The following NPAS3 variants were observed in gnomAD, a reference collection of about 807,000 sequenced individuals.
The protein encoded by NPAS3 is neuronal PAS domain protein 3.
Under a neutral mutation model 73.1 loss-of-function variants are expected in NPAS3, and 14 were observed. The ratio of observed to expected loss-of-function variants is 0.19; its 90% CI spans 0.13 to 0.30. The LOEUF (loss-of-function observed/expected upper bound fraction) is 0.30, where lower values mean the gene tolerates loss of function less well. Among genes scored for constraint, NPAS3 ranks in the 10% least tolerant of loss-of-function variants. NPAS3 has a pLI of 1.00. For missense variants in NPAS3, 1,096 were observed against 1,250.0 expected, an observed-to-expected ratio of 0.88 and a Z score of 1.86; for synonymous variants, 620 against 541.5, an observed-to-expected ratio of 1.14 and a Z score of -2.01.
intron 4 of NPAS3, among the ~76,000 whole-genome samples, chr14:33,512,511 C>G (rs1472901072): frequency 6.6e-6 from 1 of 152,020 alleles, no homozygotes; most frequent in Non-Finnish European, 1.5e-5. Flanking sequence ...AATGTTATAA[C>G]AAATGGTTCA....
At chr14:33,715,018 C>A (rs1566458482) in intron 6 of NPAS3, among the ~76,000 whole-genome samples, 2 of 152,132 alleles carry the variant, frequency 1.3e-5, no homozygotes, top group Non-Finnish European at 2.9e-5. Flanking sequence ...TTTCTCTTGC[C>A]TTCATATTGA....
intron 3 of NPAS3, among the ~76,000 whole-genome samples, chr14:33,298,068 G>A (rs923139457): frequency 2.6e-5 from 4 of 152,146 alleles, no homozygotes; most frequent in Non-Finnish European, 5.9e-5. Context: ...GATCACCTGA[G>A]GTCAGGAGTT....
intron 3 of NPAS3, among the ~76,000 whole-genome samples, chr14:33,350,269 C>T (rs1007375123): frequency 2.6e-5 from 4 of 152,138 alleles, no homozygotes; most frequent in Non-Finnish European, 5.9e-5. Flanking sequence ...GAGTGTAAGA[C>T]CAGGCAGAGG....
intron 4 of NPAS3, among the ~76,000 whole-genome samples, chr14:33,457,677 TC>T (rs36121698): frequency 4.6e-5 from 7 of 152,174 alleles, no homozygotes; most frequent in Middle Eastern, 3.2e-3. Flanking sequence ...CAAACCCATG[TC>T]CCAGACATGC....
intron 7 of NPAS3, among the ~76,000 whole-genome samples, chr14:33,750,217 T>C (rs2061923051): frequency 1.6e-5 from 2 of 124,358 alleles, no homozygotes. Flanking sequence ...AGCTATTCCT[T>C]TTTTTTTTTT....
chr14:33,112,996 T>C (rs1200226288), intron 2 of NPAS3, among the ~76,000 whole-genome samples: 1 of 152,214 alleles, frequency 6.6e-6, no homozygotes, highest in Non-Finnish European at 1.5e-5. Context: ...GCATTATTTC[T>C]GAGGGCTCTG....
chr14:33,377,465 C>T (rs2046358857), intron 4 of NPAS3, among the ~76,000 whole-genome samples: 1 of 152,242 alleles, frequency 6.6e-6, no homozygotes, highest in African/African-American at 2.4e-5. Flanking sequence ...GTTTAATGCA[C>T]ATATGCTTCT....
intron 6 of NPAS3, among the ~76,000 whole-genome samples, chr14:33,724,541 G>A (rs1447737788): frequency 6.6e-6 from 1 of 152,152 alleles, no homozygotes; most frequent in African/African-American, 2.4e-5. Flanking sequence ...GGCTGAAGCA[G>A]AGGATCACCT....
intron 4 of NPAS3, among the ~76,000 whole-genome samples, chr14:33,544,801 TA>T (rs1393816808): frequency 0.01 from 1,133 of 108,610 alleles, 83 homozygotes; most frequent in African/African-American, 0.049. Flanking sequence ...TATATATATA[TA>T]TATATATATG....
chr14:32,950,957 G>A (rs1372282743), intron 1 of NPAS3, among the ~76,000 whole-genome samples: 2 of 152,096 alleles, frequency 1.3e-5, no homozygotes, highest in East Asian at 3.9e-4. Context: ...CAGGCAAAAA[G>A]CAAGAGTTCC....
intron 4 of NPAS3, among the ~76,000 whole-genome samples, chr14:33,469,097 A>T (rs2050663899): frequency 6.6e-6 from 1 of 152,192 alleles, no homozygotes; most frequent in Admixed American, 6.5e-5. Context: ...TAGTAATTAA[A>T]GACATTTTCT....
chr14:33,543,235 C>A (rs1031495002), intron 4 of NPAS3, among the ~76,000 whole-genome samples: 2 of 152,160 alleles, frequency 1.3e-5, no homozygotes, highest in African/African-American at 4.8e-5. Flanking sequence ...CTAGCCCACA[C>A]CCATTTTCAT....
chr14:33,384,726 G>A (rs533890103), intron 4 of NPAS3, among the ~76,000 whole-genome samples: 11 of 152,268 alleles, frequency 7.2e-5, no homozygotes, highest in Non-Finnish European at 1.0e-4. Flanking sequence ...GCAGAACTCC[G>A]TCTCAAAAAC....
chr14:33,731,265 A>T (rs962133467), intron 6 of NPAS3, among the ~76,000 whole-genome samples: 3 of 152,024 alleles, frequency 2.0e-5, no homozygotes, highest in Admixed American at 6.6e-5. Context: ...TTTAAAAATT[A>T]AAAAATAGCC....
intron 2 of NPAS3, among the ~76,000 whole-genome samples, chr14:33,066,087 C>T (rs1035086121): frequency 6.6e-6 from 1 of 152,004 alleles, no homozygotes; most frequent in Non-Finnish European, 1.5e-5. Context: ...TGTTCACTTC[C>T]AGGGGAAGCA....
chr14:33,369,095 A>C (rs563133334), intron 4 of NPAS3, among the ~76,000 whole-genome samples: 2 of 152,276 alleles, frequency 1.3e-5, no homozygotes, highest in Admixed American at 1.3e-4. Context: ...ATAAATATAT[A>C]ATGTAAAATG....
intron 2 of NPAS3, among the ~76,000 whole-genome samples, chr14:33,199,874 C>A (rs1013552825): frequency 6.6e-6 from 1 of 152,048 alleles, no homozygotes; most frequent in Non-Finnish European, 1.5e-5. Flanking sequence ...AGATCAGCAG[C>A]AGCATAATCA....
At chr14:32,970,035 T>C (rs1482019381) in intron 1 of NPAS3, among the ~76,000 whole-genome samples, 1 of 152,172 alleles carries the variant, frequency 6.6e-6, no homozygotes, top group East Asian at 1.9e-4. Flanking sequence ...TAAAGGGCAT[T>C]TGCAATAGTA....
chr14:33,424,052 C>A (rs2048457323), intron 4 of NPAS3, among the ~76,000 whole-genome samples: 1 of 151,986 alleles, frequency 6.6e-6, no homozygotes, highest in Non-Finnish European at 1.5e-5. Flanking sequence ...TAAACAATCA[C>A]ACATGAAAAC....
Sources: allele counts gnomAD v4.1 joint callset (sites outside exome capture counted in the v4.1 genomes callset), GRCh38; gene constraint gnomAD v4.1.1; transcripts MANE v1.5; gene names NCBI Gene and HGNC (gene_info 2026-07-23, HGNC 2026-07-21).